POLN: variants seen among roughly 807,000 people sequenced by gnomAD.
POLN encodes the protein DNA polymerase nu.
POLN carries 108 observed loss-of-function variants against 113.5 expected under a neutral mutation model. That is an observed-to-expected ratio of 0.95 (90% CI 0.81 to 1.12). The LOEUF is 1.12. Ranked by LOEUF, POLN falls within the 50% of genes most tolerant of loss-of-function variation. The pLI, the probability that POLN is intolerant of heterozygous loss-of-function variation, is 0.00. For synonymous variants in POLN, 386 were observed against 391.5 expected, an observed-to-expected ratio of 0.99 and a Z score of 0.17; for missense variants, 1,097 against 1,077.1, an observed-to-expected ratio of 1.02 and a Z score of -0.26.
chr4:2,146,994 C>T (rs1026500691), intron 16 of POLN, among the ~76,000 whole-genome samples: 1 of 152,134 alleles, frequency 6.6e-6, no homozygotes, highest in African/African-American at 2.4e-5. Flanking sequence ...GAAAGACTCA[C>T]CAACCAAGAA....
rs749713689 is a variant in POLN, at chr4:2,208,254, TTTA to T, written c.444_446del (p.Asn148del). On this transcript the variant is annotated inframe_deletion, in exon 5 of 26. Transcript: ENST00000511885. ...GTTTTCTTTTAAGATTAATGCTTCC[TTTA>T]TTTTCATTATTTATATTCTCCATTA... 2.5e-6 allele frequency: 4 copies of T among 1,586,236 alleles called. No homozygotes were observed. In the African/African-American group the frequency reaches 5.4e-5, roughly 21 times the overall value.
Position 2,114,333 on chromosome 4 carries a change from G to A in POLN, c.1982+13780C>T, listed in dbSNP as rs79274988. On this transcript the variant is annotated intron_variant, in intron 19 of 25. Transcript: ENST00000511885. ...TACCCTGATATTTACCCATTCTGGTGCTCTTTCTTCCTGAAGATCCAGGGT... is the reference window on the plus strand; with the variant it reads ...TACCCTGATATTTACCCATTCTGGTACTCTTTCTTCCTGAAGATCCAGGGT... 7.8e-4 allele frequency among the ~76,000 whole-genome samples: 118 copies of A among 152,242 alleles called. 1 individual carries two copies. The East Asian group carries it at 0.021, about 27-fold the overall frequency.
At chr4:2,237,915 A>G (rs1319474003) in intron 2 of POLN, among the ~76,000 whole-genome samples, 1 of 151,338 alleles carries the variant, frequency 6.6e-6, no homozygotes, top group East Asian at 1.9e-4. Context: ...TAACTACACA[A>G]TTCCAGGGGT....
intron 19 of POLN, among the ~76,000 whole-genome samples, chr4:2,112,141 T>C (rs1731210294): frequency 6.6e-6 from 1 of 151,740 alleles, no homozygotes; most frequent in African/African-American, 2.4e-5. Context: ...GGGGAAAGGA[T>C]TCCCTATTTA....
Position 2,174,697 on chromosome 4 carries a change from A to G in POLN, c.1303T>C (p.Leu435=), listed in dbSNP as rs138077251. The change falls in exon 10 of 26, where the codon TTG becomes CTG. Residue 435 remains leucine (L), a synonymous_variant. Coordinates refer to ENST00000511885, the MANE Select transcript of POLN (RefSeq NM_181808.4). ...CATCTTTATGGTAACTTACCTGCCAAAATTGGTATCAGAGGAAGCTCCAAA... is the reference window on the plus strand; with the variant it reads ...CATCTTTATGGTAACTTACCTGCCAGAATTGGTATCAGAGGAAGCTCCAAA... The part of the protein sequence containing the change: ...RTLELPLIPI[L]AVMESHAIQV... 9.7e-4 allele frequency: 1,555 copies of G among 1,608,454 alleles called. 1 individual carries two copies. Among genetic ancestry groups the G allele is most frequent in the Non-Finnish European group, 1.1e-3 (1,329 of 1,175,076 alleles).
intron 19 of POLN, among the ~76,000 whole-genome samples, chr4:2,099,335 G>A (rs1396808445): frequency 1.3e-5 from 2 of 152,228 alleles, no homozygotes; most frequent in African/African-American, 2.4e-5. Flanking sequence ...ACCCAGGTCA[G>A]CATCAGCAGG....
At chr4:2,089,326 G>T in intron 20 of POLN, 1 of 1,391,972 alleles carries the variant, frequency 7.2e-7, no homozygotes, top group Non-Finnish European at 9.9e-7. Context: ...TGTTAATTCT[G>T]ATATTCCTGG....
intron 19 of POLN, among the ~76,000 whole-genome samples, chr4:2,105,398 C>T (rs1402081052): frequency 2.0e-5 from 3 of 152,096 alleles, no homozygotes; most frequent in African/African-American, 7.2e-5. Flanking sequence ...TTGCTGAAAA[C>T]CATCCAACAG....
chr4:2,126,138 C>T lies in POLN; in HGVS notation c.1982+1975G>A, dbSNP rs1007477900. ...CCTGGACCCCACCATGTGCTGTGCT[C>T]GTCACATCGACCCGGTACAGTGCCT... On this transcript the variant is annotated intron_variant, in intron 19 of 25. Coordinates refer to ENST00000511885, the MANE Select transcript of POLN (RefSeq NM_181808.4). This position sits in a 1 kb window ranked among gnomAD's most constrained non-coding sequence, Gnocchi z 4.6. Among the ~76,000 whole-genome samples, 10 of 152,298 alleles carry T rather than the reference C, an allele frequency of 6.6e-5. No individual in the cohort carries two copies. Among genetic ancestry groups the T allele is most frequent in the South Asian group, 2.1e-4 (1 of 4,826 alleles).
At position 2,179,312 on chromosome 4, in the gene POLN, A is replaced by G. The variant is rs1469310405; in HGVS notation, c.1175T>C (p.Ile392Thr). The stretch of plus-strand genomic sequence containing the variant: ...ACTTTATCTTAAACAACTCACCACA[A>G]TATTTCTTGAGGAATTTCCATATGT... ...NSTYGNSSRN[I>T]VNQNVRENLK... The change falls in exon 8 of 26, where the codon ATT becomes ACT. Residue 392 changes from isoleucine to threonine, a missense_variant. Physicochemically the swap from Ile to Thr is moderately conservative, Grantham distance 89. Transcript: ENST00000511885. 3.7e-6 allele frequency: 6 copies of G among 1,611,142 alleles called. No homozygotes were observed. The highest frequency in any genetic ancestry group is 2.2e-5 in the East Asian group (1 of 44,836).
At chr4:2,078,876 T>G (rs1463092979) in intron 23 of POLN, 12 of 985,366 alleles carry the variant, frequency 1.2e-5, no homozygotes, top group Non-Finnish European at 1.4e-5. Context: ...GAGAGAGACC[T>G]CAGCTCCTCA....
At chr4:2,095,811 C>T in intron 20 of POLN, 40 bp downstream of exon 20, 1 of 1,573,134 alleles carries the variant, frequency 6.4e-7, no homozygotes, top group Non-Finnish European at 8.7e-7. Flanking sequence ...TGCCAGCTTA[C>T]AGGTAACCCC....
At chr4:2,214,384 T>C (rs1028293219) in intron 3 of POLN, among the ~76,000 whole-genome samples, 9 of 152,210 alleles carry the variant, frequency 5.9e-5, no homozygotes, top group African/African-American at 2.2e-4. Context: ...ATAGGGCTGG[T>C]ATAACTAGCA....
intron 19 of POLN, among the ~76,000 whole-genome samples, chr4:2,103,720 T>A (rs148919835): frequency 1.5e-4 from 23 of 152,268 alleles, no homozygotes; most frequent in African/African-American, 5.1e-4. Context: ...AAGCATCTAG[T>A]CATCTATAAA....
At chr4:2,193,005 A>C (rs1035629928) in intron 7 of POLN, among the ~76,000 whole-genome samples, 199 bp downstream of exon 7, 1 of 152,092 alleles carries the variant, frequency 6.6e-6, no homozygotes, top group Admixed American at 6.6e-5. Context: ...AGTAATATAT[A>C]CTTGTAAAAA....
At chr4:2,138,051 T>C (rs1023964453) in intron 16 of POLN, among the ~76,000 whole-genome samples, 1 of 152,106 alleles carries the variant, frequency 6.6e-6, no homozygotes, top group East Asian at 1.9e-4. Context: ...GTTGGCCAGG[T>C]TGGTCTCCAA....
At chr4:2,194,673 G>A (rs1366490815) in intron 6 of POLN, among the ~76,000 whole-genome samples, 3 of 152,118 alleles carry the variant, frequency 2.0e-5, no homozygotes, top group Non-Finnish European at 4.4e-5. Flanking sequence ...CCGCTAATAA[G>A]AGATTATTTT....
chr4:2,213,118 C>T lies in POLN; in HGVS notation c.142G>A (p.Val48Met). ...TACTTAACACTGGACTTGTTTATCA[C>T]TTCCATAGCTTTTAAAAACAACAAA... ...TWGKSTETMEVINKSSVKYSV... is the reference protein window; with the variant it reads ...TWGKSTETMEMINKSSVKYSV... Residue 48 changes from valine to methionine, a missense_variant, in exon 4 of 26, where the codon GTG becomes ATG. Coordinates refer to ENST00000511885, the MANE Select transcript of POLN (RefSeq NM_181808.4). 1 of 1,592,126 alleles carries T rather than the reference C, an allele frequency of 6.3e-7. No individual in the cohort carries two copies. The highest frequency in any genetic ancestry group is 8.5e-7 in the Non-Finnish European group (1 of 1,171,100).
At chr4:2,091,079 C>A (rs1730651894) in intron 20 of POLN, among the ~76,000 whole-genome samples, 1 of 152,176 alleles carries the variant, frequency 6.6e-6, no homozygotes, top group South Asian at 2.1e-4. Context: ...CAGTGCCATT[C>A]CTTTCTTCCA....
Sources: allele counts gnomAD v4.1 joint callset (sites outside exome capture counted in the v4.1 genomes callset), GRCh38; gene constraint gnomAD v4.1.1; non-coding constraint Gnocchi (gnomAD v3.1); transcripts MANE v1.5; gene names NCBI Gene and HGNC (gene_info 2026-07-23, HGNC 2026-07-21).